SYNE1: variants seen among roughly 807,000 people sequenced by gnomAD.
SYNE1 encodes the protein spectrin repeat containing nuclear envelope protein 1, also known as nesprin-1.
SYNE1 carries 616 observed loss-of-function variants against 1,111.0 expected under a neutral mutation model. That is an observed-to-expected ratio of 0.55 (90% CI 0.52 to 0.59). The LOEUF is 0.59. SYNE1 is among the 20% of genes least tolerant of loss of function. SYNE1 has a pLI of 0.00. For synonymous variants in SYNE1, 3,855 were observed against 3,825.8 expected (o/e 1.01, Z -0.28); for missense variants, 10,006 against 10,417.0 (o/e 0.96, Z 1.72).
In SYNE1 at chr6:152,450,734, C is replaced by G; in HGVS notation, c.3286G>C (p.Asp1096His). 1 of 1,614,066 alleles carries G rather than the reference C, an allele frequency of 6.2e-7. No individual in the cohort carries two copies. The highest frequency in any genetic ancestry group is 8.5e-7 in the Non-Finnish European group (1 of 1,180,020). Residue 1096 changes from aspartate (D) to histidine (H), a missense_variant, in exon 27 of 146, where the codon GAC (aspartate) becomes CAC (histidine). Physicochemically the swap from Asp to His is moderately conservative, Grantham distance 81. Coordinates refer to ENST00000367255, the MANE Select transcript of SYNE1 (RefSeq NM_182961.4). ...VKLPVRDPVRDTPGTCHVTLK... is the reference protein window; with the variant it reads ...VKLPVRDPVRHTPGTCHVTLK... ...GTCACGTGACAGGTTCCAGGTGTGT[C>G]CCTTACTGGGTCCCGCACTGGGAGT...
In SYNE1 at chr6:152,395,665, T is replaced by G. The variant is rs751278412; in HGVS notation, c.7563A>C (p.Glu2521Asp). 6.2e-7 allele frequency: 1 copy of G among 1,614,174 alleles called. No individual in the cohort carries two copies. Among genetic ancestry groups the G allele is most frequent in the East Asian group, 2.2e-5 (1 of 44,872 alleles). Reference sequence around the variant, plus strand: ...ATAAGTTCAGTTTTCTGTGCTGATCTTCAAAGCTAAGGGAAAGAAAATGCC... The same window carrying G: ...ATAAGTTCAGTTTTCTGTGCTGATCGTCAAAGCTAAGGGAAAGAAAATGCC... ...QDCASELGSF[E>D]DQHRKLNLWI... Residue 2521 changes from glutamate (E) to aspartate (D), a missense_variant, in exon 51 of 146, where the codon GAA (glutamate) becomes GAC (aspartate). Physicochemically the swap from Glu to Asp is conservative, Grantham distance 45 (BLOSUM62 2). Coordinates refer to ENST00000367255, the MANE Select transcript of SYNE1 (RefSeq NM_182961.4).
intron 98 of SYNE1, among the ~76,000 whole-genome samples, chr6:152,276,223 T>C (rs1589195643): frequency 6.6e-6 from 1 of 151,818 alleles, no homozygotes; most frequent in South Asian, 2.1e-4. Context: ...TTAGTAGAGA[T>C]GGGGTTTCAC....
In SYNE1 at chr6:152,441,138, G is replaced by C. The variant is rs530543541; in HGVS notation, c.4141C>G (p.Gln1381Glu). ...SLESLSSELE[Q>E]TKEFSKRTES... ...AAGGAGCCATAATATACCTTTGTTT[G>C]TTCCAGTTCTGAAGATAAACTTTCC... Residue 1381 changes from glutamine to glutamate, a missense_variant, in exon 32 of 146, where the codon CAA becomes GAA. By Grantham distance (29) the Gln-to-Glu change is conservative (BLOSUM62 2). This residue lies in a region of SYNE1 where 1,971 missense variants were observed against 2,084.1 expected (regional missense o/e 0.95). Transcript: ENST00000367255. 6.8e-6 allele frequency: 11 copies of C among 1,613,306 alleles called. No individual in the cohort carries two copies. The highest frequency in any genetic ancestry group is 9.3e-6 in the Non-Finnish European group (11 of 1,179,856).
intron 98 of SYNE1, 57 bp from the exon 99 acceptor site, chr6:152,269,343 A>G: frequency 6.8e-6 from 11 of 1,611,968 alleles, no homozygotes; most frequent in Non-Finnish European, 9.3e-6. Context: ...CCTTAACCAA[A>G]GGGGAGAGAA....
chr6:152,416,741 T>A lies in SYNE1; in HGVS notation c.5696A>T (p.Lys1899Met). Reference sequence around the variant, plus strand: ...CTTTTCTATCAAATCAGACTCGTTCTTATTCATACTGTTGGTTGCTTCCAC... The same window carrying A: ...CTTTTCTATCAAATCAGACTCGTTCATATTCATACTGTTGGTTGCTTCCAC... ...QTVEATNSMN[K>M]NESDLIEKDL... is the part of the protein sequence containing the mutation. The change falls in exon 41 of 146, where the codon AAG (lysine) becomes ATG (methionine). Residue 1899 changes from lysine (K) to methionine (M), a missense_variant. Transcript: ENST00000367255. 1 of 1,614,246 alleles carries A rather than the reference T, an allele frequency of 6.2e-7. No homozygotes were observed. The highest frequency in any genetic ancestry group is 1.1e-5 in the South Asian group (1 of 91,086).
In SYNE1 at chr6:152,220,828, G is replaced by T; in HGVS notation, c.21861+14C>A. The stretch of plus-strand genomic sequence containing the variant: ...AAGGGCATGTGGGGAAAACAAGGTA[G>T]CTCCTGAACATACGTTGCAATCTTG... On this transcript the variant is annotated intron_variant, in intron 119 of 145. Coordinates refer to ENST00000367255, the MANE Select transcript of SYNE1 (RefSeq NM_182961.4). 6.2e-7 allele frequency: 1 copy of T among 1,611,706 alleles called. No individual in the cohort carries two copies.
At chr6:152,275,326 T>C (rs1359544727) in intron 98 of SYNE1, among the ~76,000 whole-genome samples, 1 of 152,154 alleles carries the variant, frequency 6.6e-6, no homozygotes, top group Admixed American at 6.5e-5. Flanking sequence ...GACTTAAGTT[T>C]TATATTGAAA....
At chr6:152,497,175 T>A (rs1430267040) in intron 11 of SYNE1, among the ~76,000 whole-genome samples, 1 of 152,190 alleles carries the variant, frequency 6.6e-6, no homozygotes, top group Non-Finnish European at 1.5e-5. Flanking sequence ...TGACACTCCT[T>A]ATGTATCTTT....
chr6:152,245,322 T>C lies in SYNE1; in HGVS notation c.19573-666A>G, dbSNP rs539666052. ...CAAGGCTGAATATAAGTAAGTACTA[T>C]ACTCGATAATGCAACTCATCCCCAT... On this transcript the variant is annotated intron_variant, in intron 105 of 145. Transcript: ENST00000367255. Among the ~76,000 whole-genome samples, 192 of 152,266 alleles carry C rather than the reference T, an allele frequency of 1.3e-3. 1 individual carries two copies. Among genetic ancestry groups the C allele is most frequent in the African/African-American group, 4.4e-3 (183 of 41,548 alleles).
intron 127 of SYNE1, among the ~76,000 whole-genome samples, chr6:152,195,972 G>A (rs1165299141): frequency 1.3e-5 from 2 of 152,202 alleles, no homozygotes; most frequent in Admixed American, 6.5e-5. Flanking sequence ...CTGCAGATAA[G>A]CTGGTACCGA....
Position 152,256,175 on chromosome 6 carries a change from C to G in SYNE1, c.19105-429G>C, listed in dbSNP as rs551177067. On this transcript the variant is annotated intron_variant, in intron 102 of 145. Transcript: ENST00000367255. ...GTGGCTCGCGCCTGTAATCCCAGCA[C>G]TTTGGGAGGCTGAGGCGGGCGGATC... Among the ~76,000 whole-genome samples, 14 of 152,136 alleles carry G rather than the reference C, an allele frequency of 9.2e-5. No individual in the cohort carries two copies. The East Asian group carries it at 2.7e-3, about 29-fold the overall frequency.
chr6:152,398,522 G>T, intron 49 of SYNE1, 97 bp downstream of exon 49: 1 of 963,326 alleles, frequency 1.0e-6, no homozygotes, highest in Non-Finnish European at 1.7e-6. Context: ...GGAAAAGATT[G>T]GCTCAGATAA....
At chr6:152,293,853 A>G in intron 94 of SYNE1, 104 bp from the exon 95 acceptor site, 6 of 1,607,432 alleles carry the variant, frequency 3.7e-6, no homozygotes, top group Non-Finnish European at 4.3e-6. Context: ...AACATAGGGT[A>G]CTCAACTGTG....
At chr6:152,366,716 T>C (rs2097088000) in intron 62 of SYNE1, among the ~76,000 whole-genome samples, 1 of 152,196 alleles carries the variant, frequency 6.6e-6, no homozygotes, top group African/African-American at 2.4e-5. Context: ...ACTATGTTAT[T>C]CACCTTTGAT....
At chr6:152,412,187 T>C (rs1013183248) in intron 42 of SYNE1, among the ~76,000 whole-genome samples, 4 of 152,142 alleles carry the variant, frequency 2.6e-5, no homozygotes, top group Non-Finnish European at 1.5e-5. Context: ...TTTGGGAGGC[T>C]GAGGCAGGTG....
intron 109 of SYNE1, 113 bp from the exon 110 acceptor site, chr6:152,236,416 C>T: frequency 1.3e-6 from 1 of 774,710 alleles, no homozygotes. Context: ...CAAACTTAAA[C>T]TATACTCACT....
intron 3 of SYNE1, among the ~76,000 whole-genome samples, chr6:152,610,329 A>G (rs964797706): frequency 6.6e-6 from 1 of 152,226 alleles, no homozygotes; most frequent in Non-Finnish European, 1.5e-5. Flanking sequence ...AAACCATGGC[A>G]TGAGAACTTC....
intron 3 of SYNE1, among the ~76,000 whole-genome samples, chr6:152,569,644 G>T (rs1184186321): frequency 6.6e-6 from 1 of 152,126 alleles, no homozygotes; most frequent in Non-Finnish European, 1.5e-5. Flanking sequence ...GGGATGATGA[G>T]AAGAAATGGA....
At chr6:152,296,379 A>G (rs1435534987) in intron 93 of SYNE1, among the ~76,000 whole-genome samples, 2 of 152,248 alleles carry the variant, frequency 1.3e-5, no homozygotes, top group Non-Finnish European at 2.9e-5. Context: ...CATATCCTGT[A>G]GGCTCTTCAA....
Sources: allele counts gnomAD v4.1 joint callset (sites outside exome capture counted in the v4.1 genomes callset), GRCh38; gene constraint gnomAD v4.1.1; regional missense constraint gnomAD v4.1.1; transcripts MANE v1.5; gene names NCBI Gene and HGNC (gene_info 2026-07-23, HGNC 2026-07-21).